CEP126: variants seen among roughly 807,000 people sequenced by gnomAD.
CEP126 encodes centrosomal protein 126, also known as centrosomal protein of 126 kDa.
CEP126 carries 74 observed loss-of-function variants against 107.8 expected under a neutral mutation model. The ratio of observed to expected loss-of-function variants is 0.69; its 90% CI spans 0.57 to 0.83. The LOEUF (loss-of-function observed/expected upper bound fraction) is 0.83, where lower values mean the gene tolerates loss of function less well. Ranked by LOEUF, CEP126 falls within the 40% of genes least tolerant of loss-of-function variation. The pLI is 0.00. For synonymous variants in CEP126, 449 were observed against 446.0 expected (o/e 1.01, Z -0.08); for missense variants, 1,237 against 1,281.9 (o/e 0.96, Z 0.53).
chr11:101,936,681 C>G (rs1020244959), intron 2 of CEP126, among the ~76,000 whole-genome samples: 1 of 152,138 alleles, frequency 6.6e-6, no homozygotes, highest in African/African-American at 2.4e-5. Context: ...ATTAACTATG[C>G]TGCTAGCTAG....
chr11:101,927,936 C>CAT (rs1311106001), intron 2 of CEP126, among the ~76,000 whole-genome samples: 14 of 152,144 alleles, frequency 9.2e-5, no homozygotes, highest in Admixed American at 5.2e-4. Flanking sequence ...CTGGTTAGGT[C>CAT]ATATGGTAGT....
intron 6 of CEP126, among the ~76,000 whole-genome samples, chr11:101,973,932 A>G (rs1038701684): frequency 6.6e-6 from 1 of 152,080 alleles, no homozygotes; most frequent in Non-Finnish European, 1.5e-5. Context: ...TTTTTTACAT[A>G]TTGTATATAC....
intron 10 of CEP126, among the ~76,000 whole-genome samples, chr11:101,996,829 A>C (rs149714289): frequency 6.6e-5 from 10 of 152,260 alleles, no homozygotes; most frequent in African/African-American, 2.4e-4. Context: ...GGCGTGCCTA[A>C]CTATGTGGGT....
In CEP126 at chr11:101,962,038, A is replaced by AATG. The variant is rs1431061707; in HGVS notation, c.1004_1006dup (p.Asn335_Val336insAsp). ...TTTCTCAGATATTTTAAGTAAATCT[A>AATG]ATGTTCTGCCTTCATGGGAATATTT... On this transcript the variant is annotated inframe_insertion, in exon 6 of 11. Coordinates refer to ENST00000263468, the MANE Select transcript of CEP126 (RefSeq NM_020802.4). The AATG allele has an allele frequency of 3.1e-6, 5 of 1,613,330 alleles. No homozygotes were observed. The African/African-American group carries it at 5.3e-5, about 17-fold the overall frequency.
At chr11:101,948,999 T>C (rs918155360) in intron 4 of CEP126, among the ~76,000 whole-genome samples, 1 of 152,226 alleles carries the variant, frequency 6.6e-6, no homozygotes, top group Non-Finnish European at 1.5e-5. Flanking sequence ...TGTATCCTCT[T>C]GATCCTAATT....
chr11:101,925,642 G>A (rs1433450820), intron 2 of CEP126, among the ~76,000 whole-genome samples: 2 of 137,884 alleles, frequency 1.5e-5, no homozygotes, highest in Non-Finnish European at 3.1e-5. Flanking sequence ...TGTGGCGGGT[G>A]CCTATAATCC....
chr11:101,941,166 C>T (rs530633311), intron 2 of CEP126, among the ~76,000 whole-genome samples: 57 of 152,134 alleles, frequency 3.7e-4, no homozygotes, highest in Non-Finnish European at 7.6e-4. Context: ...TCTATTTAAT[C>T]GCTTTTGTTT....
chr11:101,965,611 A>G (rs909693780), intron 6 of CEP126, among the ~76,000 whole-genome samples: 1 of 152,210 alleles, frequency 6.6e-6, no homozygotes, highest in Non-Finnish European at 1.5e-5. Flanking sequence ...AGCTTTCACA[A>G]CACTTCAAAA....
At chr11:101,966,133 T>C (rs1342547691) in intron 6 of CEP126, among the ~76,000 whole-genome samples, 1 of 152,194 alleles carries the variant, frequency 6.6e-6, no homozygotes, top group African/African-American at 2.4e-5. Flanking sequence ...GAAAATGTAA[T>C]GAATTTTAAC....
Position 101,958,292 on chromosome 11 carries a change from A to G in CEP126, c.631A>G (p.Ser211Gly), listed in dbSNP as rs1160715292. ...NENMRATLAT[S>G]KNVFQLKLEE... is the part of the protein sequence containing the mutation. Reference sequence around the variant, plus strand: ...AAACATGAGGGCAACCTTGGCTACTAGCAAAAATGTGTTCCAGCTTAAACT... The same window carrying G: ...AAACATGAGGGCAACCTTGGCTACTGGCAAAAATGTGTTCCAGCTTAAACT... Residue 211 changes from serine to glycine, a missense_variant, in exon 5 of 11, where the codon AGC (serine) becomes GGC (glycine). Ser to Gly is a moderately conservative substitution (Grantham distance 56). Transcript: ENST00000263468. 2 of 1,613,942 alleles carry G rather than the reference A, an allele frequency of 1.2e-6. No homozygotes were observed.
intron 1 of CEP126, among the ~76,000 whole-genome samples, chr11:101,920,795 G>A (rs1268765116): frequency 2.0e-5 from 3 of 151,834 alleles, no homozygotes; most frequent in Non-Finnish European, 2.9e-5. Context: ...TTGTAGAGCC[G>A]GGGTTTCACC....
At chr11:101,987,435 C>T (rs1941328747) in intron 9 of CEP126, among the ~76,000 whole-genome samples, 1 of 152,058 alleles carries the variant, frequency 6.6e-6, no homozygotes, top group African/African-American at 2.4e-5. Flanking sequence ...TAGATAAGAA[C>T]TCAAAAAGAT....
rs113633835 is a variant in CEP126 at position 101,958,186 on chromosome 11, G to C, written c.525G>C (p.Leu175Phe). ...TTCACAGAGCTATAGATTCTGCCTT[G>C]CCTTCCGCATTATCAAAAAATGATC... ...TINWRAIDSA[L>F]PSALSKNDHK... Residue 175 changes from leucine (L) to phenylalanine (F), a missense_variant, in exon 5 of 11, where the codon TTG becomes TTC. Physicochemically the swap from Leu to Phe is conservative, Grantham distance 22. Around this residue, in one of 3 missense-constraint regions of CEP126, gnomAD observed 1,134 missense variants for 1,150.5 expected, o/e 0.99. Coordinates refer to ENST00000263468, the MANE Select transcript of CEP126 (RefSeq NM_020802.4). The C allele has an allele frequency of 1.2e-6, 2 of 1,613,578 alleles. No individual in the cohort carries two copies.
In CEP126 at chr11:101,958,153, A is replaced by G. The variant is rs143745013; in HGVS notation, c.507-15A>G. 1.0e-4 allele frequency: 164 copies of G among 1,608,312 alleles called. No individual in the cohort carries two copies. Among genetic ancestry groups the G allele is most frequent in the Admixed American group, 1.5e-4 (9 of 59,068 alleles). On this transcript the variant is annotated splice_polypyrimidine_tract_variant and intron_variant, in intron 4 of 10. Transcript: ENST00000263468. ...TATTTAAATGTACTAAGCACTTTTT[A>G]TGTCTGGTTCACAGAGCTATAGATT...
intron 6 of CEP126, among the ~76,000 whole-genome samples, chr11:101,964,201 G>T (rs1170405505): frequency 6.6e-6 from 1 of 151,720 alleles, no homozygotes; most frequent in Non-Finnish European, 1.5e-5. Context: ...TACTCGGGAG[G>T]CTAAGGAAGA....
rs752490036 is a variant in CEP126 at position 101,958,160 on chromosome 11, G to C, written c.507-8G>C. The stretch of plus-strand genomic sequence containing the variant: ...ATGTACTAAGCACTTTTTATGTCTG[G>C]TTCACAGAGCTATAGATTCTGCCTT... On this transcript the variant is annotated splice_polypyrimidine_tract_variant and splice_region_variant and intron_variant, in intron 4 of 10. Transcript: ENST00000263468. The C allele has an allele frequency of 6.2e-7, 1 of 1,610,986 alleles. No homozygotes were observed.
At chr11:101,929,849 G>A (rs1364189818) in intron 2 of CEP126, among the ~76,000 whole-genome samples, 5 of 152,106 alleles carry the variant, frequency 3.3e-5, no homozygotes, top group African/African-American at 1.2e-4. Context: ...CTGGCTGGAT[G>A]GGAGTGGAAC....
At position 101,953,581 on chromosome 11, in the gene CEP126, G is replaced by A. The variant is rs572028014; in HGVS notation, c.507-4587G>A. On this transcript the variant is annotated intron_variant, in intron 4 of 10. Transcript: ENST00000263468. The stretch of plus-strand genomic sequence containing the variant: ...GAAAGAGCCTGAGAAGGAACAACCA[G>A]AGAAGTAAGAAAATAAATGGGAAAT... 2.0e-5 allele frequency among the ~76,000 whole-genome samples: 3 copies of A among 152,290 alleles called. No homozygotes were observed. In the South Asian group the frequency reaches 6.2e-4, roughly 32 times the overall value.
intron 6 of CEP126, among the ~76,000 whole-genome samples, chr11:101,969,464 A>C (rs1941098918): frequency 6.6e-6 from 1 of 152,216 alleles, no homozygotes. Flanking sequence ...TGGAAAAAAA[A>C]TTAAAGAAGA....
Sources: gnomAD v4.1 joint callset for allele counts (sites outside exome capture counted in the v4.1 genomes callset) on GRCh38, gnomAD v4.1.1 for gene constraint, gnomAD v4.1.1 regional missense constraint, MANE v1.5 for transcripts, NCBI Gene and HGNC (gene_info 2026-07-23, HGNC 2026-07-21) for gene names.